IL34: variants seen among roughly 807,000 people sequenced by gnomAD.
IL34 encodes interleukin-34.
IL34 carries 17 observed loss-of-function variants against 25.3 expected under a neutral mutation model. The ratio of observed to expected loss-of-function variants is 0.67; its 90% CI spans 0.46 to 1.01. The LOEUF is 1.01. IL34 is among the 50% of genes least tolerant of loss of function. The probability of loss-of-function intolerance (pLI) is 0.00; values close to 1 mark genes in which losing one functional copy is unlikely to be tolerated. For synonymous variants in IL34, 174 were observed against 140.9 expected, an observed-to-expected ratio of 1.23 and a Z score of -1.66; for missense variants, 368 against 312.9, an observed-to-expected ratio of 1.18 and a Z score of -1.33.
intron 1 of IL34, among the ~76,000 whole-genome samples, chr16:70,615,442 G>C (rs1236154288): frequency 1.3e-5 from 2 of 152,074 alleles, no homozygotes; most frequent in Non-Finnish European, 2.9e-5. Flanking sequence ...GGGAGGTGGA[G>C]GTTGCAGTAA....
At chr16:70,626,557 C>T (rs532857960) in intron 1 of IL34, among the ~76,000 whole-genome samples, 44 of 151,988 alleles carry the variant, frequency 2.9e-4, no homozygotes, top group Non-Finnish European at 4.1e-4. Flanking sequence ...CCACCACGCC[C>T]GGCTAATTTT....
At chr16:70,638,032 C>A (rs867914791) in intron 1 of IL34, among the ~76,000 whole-genome samples, 5 of 152,102 alleles carry the variant, frequency 3.3e-5, no homozygotes, top group Admixed American at 1.3e-4. Flanking sequence ...GCTTTGTTGT[C>A]TTCTTTAAAA....
intron 1 of IL34, among the ~76,000 whole-genome samples, chr16:70,599,888 C>T (rs1241202602): frequency 6.6e-6 from 1 of 151,964 alleles, no homozygotes; most frequent in African/African-American, 2.4e-5. Flanking sequence ...CTATGTTGCC[C>T]AGGCTGGTCT....
At chr16:70,638,227 A>G (rs529788873) in intron 1 of IL34, among the ~76,000 whole-genome samples, 12 of 152,282 alleles carry the variant, frequency 7.9e-5, no homozygotes, top group African/African-American at 2.6e-4. Flanking sequence ...CTGTAACCCC[A>G]GCACTTTGGG....
intron 1 of IL34, among the ~76,000 whole-genome samples, chr16:70,592,796 A>C (rs1033311534): frequency 3.3e-5 from 5 of 152,100 alleles, no homozygotes; most frequent in Non-Finnish European, 5.9e-5. Context: ...CTGGGATTAC[A>C]GGCACATGCC....
At chr16:70,606,451 A>G (rs2051006061) in intron 1 of IL34, among the ~76,000 whole-genome samples, 1 of 152,114 alleles carries the variant, frequency 6.6e-6, no homozygotes, top group African/African-American at 2.4e-5. Context: ...AAGATAGTGA[A>G]CCTATTAATC....
At chr16:70,627,010 T>G (rs1001777614) in intron 1 of IL34, among the ~76,000 whole-genome samples, 2 of 152,152 alleles carry the variant, frequency 1.3e-5, no homozygotes, top group East Asian at 1.9e-4. Context: ...ATGTTTCTTA[T>G]AGAGACAGGG....
intron 1 of IL34, among the ~76,000 whole-genome samples, chr16:70,608,763 A>T (rs2051048425): frequency 6.6e-6 from 1 of 152,304 alleles, no homozygotes; most frequent in Admixed American, 6.5e-5. Flanking sequence ...TTGCCTGGAG[A>T]GGCACCTGGG....
At chr16:70,594,711 A>C (rs1264396202) in intron 1 of IL34, among the ~76,000 whole-genome samples, 2 of 152,192 alleles carry the variant, frequency 1.3e-5, no homozygotes, top group Non-Finnish European at 2.9e-5. Flanking sequence ...GAGCTCAAGC[A>C]GAACACACTG....
chr16:70,630,483 C>T (rs975618340), intron 1 of IL34, among the ~76,000 whole-genome samples: 14 of 152,024 alleles, frequency 9.2e-5, no homozygotes, highest in South Asian at 8.3e-4. Context: ...CTGCCAGCGT[C>T]GGCCTCCCAA....
chr16:70,611,453 A>G (rs1269473576), intron 1 of IL34, among the ~76,000 whole-genome samples: 1 of 152,008 alleles, frequency 6.6e-6, no homozygotes, highest in Non-Finnish European at 1.5e-5. Flanking sequence ...CAAAAGCCTG[A>G]CCTCTTTGCC....
chr16:70,590,448 C>T (rs772217451), intron 1 of IL34, among the ~76,000 whole-genome samples: 7 of 152,164 alleles, frequency 4.6e-5, no homozygotes, highest in Non-Finnish European at 2.9e-5. Context: ...GGCTGTGTAC[C>T]TCCGACGCTG....
At chr16:70,644,248 A>G (rs1426007974), upstream of IL34, among the ~76,000 whole-genome samples, 1 of 152,058 alleles carries the variant, frequency 6.6e-6, no homozygotes, top group East Asian at 1.9e-4. Flanking sequence ...TTGTTTTTCT[A>G]TTGGTATTTG....
intron 1 of IL34, among the ~76,000 whole-genome samples, chr16:70,609,721 T>G (rs1794227168): frequency 6.6e-6 from 1 of 152,074 alleles, no homozygotes; most frequent in Admixed American, 6.5e-5. Flanking sequence ...TGCCTTGGTT[T>G]CAATTTGCAG....
At chr16:70,626,437 C>T (rs1422996630) in intron 1 of IL34, among the ~76,000 whole-genome samples, 1 of 152,056 alleles carries the variant, frequency 6.6e-6, no homozygotes, top group African/African-American at 2.4e-5. Context: ...GCTTTTGTTG[C>T]CCAGGCTGGA....
chr16:70,610,353 C>T (rs2051073035), intron 1 of IL34, among the ~76,000 whole-genome samples: 1 of 152,186 alleles, frequency 6.6e-6, no homozygotes, highest in African/African-American at 2.4e-5. Flanking sequence ...CCTCCAGCGT[C>T]TGGGAGTGCC....
chr16:70,635,524 GGAGGTCA>G (rs898152709), intron 1 of IL34, among the ~76,000 whole-genome samples: 11 of 152,156 alleles, frequency 7.2e-5, no homozygotes, highest in South Asian at 4.1e-4. Flanking sequence ...GTCAGAGGTT[GGAGGTCA>G]GAGGTCAGAG....
intron 4 of IL34, among the ~76,000 whole-genome samples, chr16:70,658,634 A>G (rs531149449): frequency 6.6e-6 from 1 of 151,646 alleles, no homozygotes; most frequent in South Asian, 2.1e-4. Flanking sequence ...GATGCCTGCC[A>G]CCACACCTGT....
Position 70,625,482 on chromosome 16 carries a change from C to T in IL34, c.-400-21066C>T, listed in dbSNP as rs572389113. ...GGGGTTGAGGGGTACTTGCCCCTTC[C>T]CCAGAAAAGCAGAGAAGGGGTAGAG... On this transcript the variant is annotated intron_variant, in intron 1 of 6. Transcript: ENST00000429149. 4.6e-5 allele frequency among the ~76,000 whole-genome samples: 7 copies of T among 152,132 alleles called. No individual in the cohort carries two copies. The South Asian group carries it at 1.5e-3, about 32-fold the overall frequency.
Sources: gnomAD v4.1 joint callset for allele counts (sites outside exome capture counted in the v4.1 genomes callset) on GRCh38, gnomAD v4.1.1 for gene constraint, MANE v1.5 for transcripts, NCBI Gene and HGNC (gene_info 2026-07-23, HGNC 2026-07-21) for gene names.